Variants in WWOX observed in about 807,000 individuals in gnomAD.
WWOX encodes WW domain-containing oxidoreductase.
A neutral mutation model predicts 46.2 loss-of-function variants in WWOX; 69 were observed. The observed-to-expected ratio is 1.49, with a 90% CI of 1.23 to 1.82. The LOEUF (loss-of-function observed/expected upper bound fraction) is 1.82. WWOX is among the 40% of genes most tolerant of loss of function. The pLI is 0.00. For missense variants in WWOX, 919 were observed against 542.6 expected, an observed-to-expected ratio of 1.69 and a Z score of -6.89; for synonymous variants, 359 against 202.6, an observed-to-expected ratio of 1.77 and a Z score of -6.56.
chr16:78,243,378 T>C (rs993965533), intron 5 of WWOX, among the ~76,000 whole-genome samples: 16 of 152,150 alleles, frequency 1.1e-4, no homozygotes, highest in African/African-American at 3.9e-4. Context: ...TAAAAAACTT[T>C]AGTTTCTGGG....
intron 8 of WWOX, among the ~76,000 whole-genome samples, chr16:78,749,774 T>C (rs1476168968): frequency 2.0e-5 from 3 of 152,228 alleles, no homozygotes; most frequent in African/African-American, 7.2e-5. Context: ...TCGAGTTACC[T>C]GAAATGCAAC....
intron 8 of WWOX, among the ~76,000 whole-genome samples, chr16:78,458,261 T>A (rs2083871579): frequency 1.4e-5 from 1 of 70,416 alleles, no homozygotes; most frequent in Admixed American, 1.2e-4. Context: ...TGGTATAGTT[T>A]TTTTTTTTTT....
chr16:78,475,366 G>A (rs946337956), intron 8 of WWOX, among the ~76,000 whole-genome samples: 6 of 152,132 alleles, frequency 3.9e-5, no homozygotes, highest in Non-Finnish European at 8.8e-5. Context: ...AAATATTAGT[G>A]TTGCTGAGAT....
At position 79,028,194 on chromosome 16, in the gene WWOX, CT is replaced by C. The variant is rs530860153; in HGVS notation, c.1057-183413del. ...TCGATCTCCTGACCTCATGATCCAC[CT>C]GCCTTGGCCTCCCAAAGTGCTGGGA... On this transcript the variant is annotated intron_variant, in intron 8 of 8. Coordinates refer to ENST00000566780, the MANE Select transcript of WWOX (RefSeq NM_016373.4). Among the ~76,000 whole-genome samples the C allele has an allele frequency of 1.9e-3, 282 of 151,916 alleles. 10 individuals are homozygous for C. Among genetic ancestry groups the C allele is most frequent in the African/African-American group, 6.5e-3 (269 of 41,194 alleles).
intron 8 of WWOX, among the ~76,000 whole-genome samples, chr16:78,885,151 G>A (rs896519669): frequency 2.0e-5 from 3 of 150,590 alleles, no homozygotes; most frequent in African/African-American, 7.3e-5. Flanking sequence ...GCCCTTCTAC[G>A]AGCTCCCTCA....
intron 8 of WWOX, among the ~76,000 whole-genome samples, chr16:78,699,346 T>C (rs1290916812): frequency 2.7e-5 from 4 of 149,162 alleles, no homozygotes; most frequent in African/African-American, 1.0e-4. Flanking sequence ...CTGGGCAACA[T>C]GGTGAAGCCG....
At chr16:79,140,130 G>A (rs535060156) in intron 8 of WWOX, among the ~76,000 whole-genome samples, 35 of 152,282 alleles carry the variant, frequency 2.3e-4, no homozygotes, top group African/African-American at 8.2e-4. Flanking sequence ...GTGTTTTGTG[G>A]TTGTTGTTAT....
chr16:79,185,282 G>C (rs748951977), intron 8 of WWOX, among the ~76,000 whole-genome samples: 1 of 152,164 alleles, frequency 6.6e-6, no homozygotes, highest in African/African-American at 2.4e-5. Flanking sequence ...TCTTCAATAA[G>C]AGCAGAGGCA....
Position 78,735,320 on chromosome 16 carries a change from A to G in WWOX, c.1056+302568A>G, listed in dbSNP as rs189815497. The stretch of plus-strand genomic sequence containing the variant: ...CTTGAGACTTTTTCTTATTTTATCT[A>G]TCTATCAATCCATTGGTCATCAGGT... On this transcript the variant is annotated intron_variant, in intron 8 of 8. Coordinates refer to ENST00000566780, the MANE Select transcript of WWOX (RefSeq NM_016373.4). 7.6e-3 allele frequency among the ~76,000 whole-genome samples: 1,147 copies of G among 151,612 alleles called. 14 individuals carry two copies. Among genetic ancestry groups the G allele is most frequent in the African/African-American group, 0.024 (1,011 of 41,268 alleles).
intron 8 of WWOX, among the ~76,000 whole-genome samples, chr16:78,946,664 C>T (rs996739957): frequency 1.3e-5 from 2 of 152,292 alleles, no homozygotes; most frequent in East Asian, 1.9e-4. Flanking sequence ...CATGTCTCCA[C>T]TCTGCAGACA....
At chr16:79,162,701 C>G (rs12443788) in intron 8 of WWOX, among the ~76,000 whole-genome samples, 72,018 of 151,990 alleles carry the variant, frequency 0.47, 17,548 homozygotes, top group East Asian at 0.73. Context: ...TGTTCACCGC[C>G]TTCCTGAGTC....
chr16:78,751,062 C>G (rs955042400), intron 8 of WWOX, among the ~76,000 whole-genome samples: 1 of 152,012 alleles, frequency 6.6e-6, no homozygotes, highest in Non-Finnish European at 1.5e-5. Context: ...TTTGAGAAAT[C>G]TCCAATTTAT....
At chr16:78,636,482 A>C (rs2046574566) in intron 8 of WWOX, among the ~76,000 whole-genome samples, 1 of 152,204 alleles carries the variant, frequency 6.6e-6, no homozygotes, top group African/African-American at 2.4e-5. Context: ...ATACTGACTT[A>C]ATGAGGTTCT....
At chr16:78,232,113 A>G (rs1244508373) in intron 5 of WWOX, among the ~76,000 whole-genome samples, 4 of 152,196 alleles carry the variant, frequency 2.6e-5, no homozygotes, top group African/African-American at 9.6e-5. Context: ...ACAAGTAAGT[A>G]TACCTTATTT....
intron 8 of WWOX, among the ~76,000 whole-genome samples, chr16:79,018,554 G>A (rs1251256589): frequency 1.3e-5 from 2 of 152,074 alleles, no homozygotes; most frequent in Non-Finnish European, 2.9e-5. Flanking sequence ...TTGGGGGAGT[G>A]GGCTGTCTGT....
intron 6 of WWOX, among the ~76,000 whole-genome samples, chr16:78,413,237 A>G (rs1056285443): frequency 6.6e-6 from 1 of 152,122 alleles, no homozygotes; most frequent in Non-Finnish European, 1.5e-5. Context: ...AATGTGGTGG[A>G]TAGGGAGCCA....
intron 6 of WWOX, among the ~76,000 whole-genome samples, chr16:78,417,112 G>T (rs1397927147): frequency 2.0e-5 from 3 of 151,114 alleles, no homozygotes; most frequent in African/African-American, 7.4e-5. Flanking sequence ...TTCCTCAGTT[G>T]CCCAGGCTGG....
intron 5 of WWOX, among the ~76,000 whole-genome samples, chr16:78,209,683 T>G: frequency 6.6e-6 from 1 of 151,720 alleles, no homozygotes; most frequent in South Asian, 2.1e-4. Context: ...AGTCTGAGCC[T>G]TACAGGTTAA....
intron 8 of WWOX, among the ~76,000 whole-genome samples, chr16:78,861,035 G>C (rs1171629021): frequency 6.6e-6 from 1 of 151,916 alleles, no homozygotes; most frequent in Non-Finnish European, 1.5e-5. Flanking sequence ...TCCTAGGCTT[G>C]TCTCGAACTC....
Sources: allele counts gnomAD v4.1 joint callset (sites outside exome capture counted in the v4.1 genomes callset), GRCh38; gene constraint gnomAD v4.1.1; transcripts MANE v1.5; gene names NCBI Gene and HGNC (gene_info 2026-07-23, HGNC 2026-07-21).